ZMYND11: variants seen among roughly 807,000 people sequenced by gnomAD.
ZMYND11 encodes zinc finger MYND domain-containing protein 11.
ZMYND11 carries 9 observed loss-of-function variants against 84.9 expected under a neutral mutation model. The ratio of observed to expected loss-of-function variants is 0.11; its 90% CI spans 0.06 to 0.18. ZMYND11 has a LOEUF of 0.18. Among genes scored for constraint, ZMYND11 ranks in the 10% least tolerant of loss-of-function variants. The pLI is 1.00. For synonymous variants in ZMYND11, 250 were observed against 244.1 expected (o/e 1.02, Z -0.23); for missense variants, 409 against 761.0 (o/e 0.54, Z 5.44).
At chr10:243,594 G>A (rs535594239) in intron 10 of ZMYND11, among the ~76,000 whole-genome samples, 18 of 152,274 alleles carry the variant, frequency 1.2e-4, no homozygotes, top group East Asian at 1.9e-4. Context: ...GGCCAGGCAC[G>A]GTGGCTCACG....
At chr10:164,647 C>T (rs527376772) in intron 1 of ZMYND11, among the ~76,000 whole-genome samples, 9 of 152,286 alleles carry the variant, frequency 5.9e-5, no homozygotes, top group African/African-American at 1.7e-4. Flanking sequence ...CAAATCCACA[C>T]GTGGCCTCAC....
intron 1 of ZMYND11, among the ~76,000 whole-genome samples, chr10:161,607 A>G (rs1351937769): frequency 2.6e-5 from 4 of 152,168 alleles, no homozygotes; most frequent in African/African-American, 9.7e-5. Flanking sequence ...AGCCACCTTA[A>G]TCAGTTATCT....
intron 2 of ZMYND11, among the ~76,000 whole-genome samples, chr10:197,730 G>C (rs1168061257): frequency 6.6e-6 from 1 of 152,214 alleles, no homozygotes; most frequent in African/African-American, 2.4e-5. Flanking sequence ...GCTCGTGTCA[G>C]GTGGCAGAGT....
intron 4 of ZMYND11, among the ~76,000 whole-genome samples, chr10:234,827 C>T (rs1191199537): frequency 6.6e-6 from 1 of 152,266 alleles, no homozygotes; most frequent in Non-Finnish European, 1.5e-5. Context: ...AGCAGTGCAC[C>T]GAAGCATGTC....
chr10:208,863 G>A (rs1011178287), intron 2 of ZMYND11, among the ~76,000 whole-genome samples: 1 of 152,144 alleles, frequency 6.6e-6, no homozygotes, highest in African/African-American at 2.4e-5. Context: ...TTACTCCCCT[G>A]ACTTCTAGCG....
chr10:212,994 A>G (rs1742830520), intron 3 of ZMYND11, among the ~76,000 whole-genome samples: 1 of 152,160 alleles, frequency 6.6e-6, no homozygotes, highest in Non-Finnish European at 1.5e-5. Context: ...TCCATGTGCC[A>G]CAATTTTCAT....
Position 248,391 on chromosome 10 carries a change from C to G in ZMYND11, c.1283C>G (p.Pro428Arg). The change falls in exon 13 of 15, where the codon CCT becomes CGT. Residue 428 changes from proline (P) to arginine (R), a missense_variant. Transcript: ENST00000381604. ...TCTAGCCAGGAAATACCCACGATGC[C>G]TCAGCCCATCGAAAAAGTCTCCGTG... ...VSSSQEIPTM[P>R]QPIEKVSVST... 1.9e-6 allele frequency: 3 copies of G among 1,614,140 alleles called. No homozygotes were observed. Among genetic ancestry groups the G allele is most frequent in the African/African-American group, 1.3e-5 (1 of 75,040 alleles).
rs11251124 is a variant in ZMYND11, at chr10:238,654, C to A, written c.610-784C>A. Among the ~76,000 whole-genome samples the A allele has an allele frequency of 2.0e-3, 297 of 152,276 alleles. 3 individuals carry two copies. The highest frequency in any genetic ancestry group is 7.0e-3 in the African/African-American group (291 of 41,546). On this transcript the variant is annotated intron_variant, in intron 6 of 14. Coordinates refer to ENST00000381604, the MANE Select transcript of ZMYND11 (RefSeq NM_001370100.5). ...TACAGGCGTGAGCCACCGCGCCCGG[C>A]CACAAGTTTCTTTAGTACCCAAGAA...
intron 3 of ZMYND11, among the ~76,000 whole-genome samples, chr10:216,475 T>G (rs1002765020): frequency 6.6e-6 from 1 of 152,170 alleles, no homozygotes; most frequent in Non-Finnish European, 1.5e-5. Context: ...AAATATACCT[T>G]TTGTTAATTT....
chr10:169,370 T>G (rs534719748), intron 1 of ZMYND11, among the ~76,000 whole-genome samples: 2 of 152,192 alleles, frequency 1.3e-5, no homozygotes, highest in East Asian at 1.9e-4. Context: ...TTTTACCCAG[T>G]ACATAACGTT....
intron 1 of ZMYND11, among the ~76,000 whole-genome samples, chr10:165,079 C>A (rs1379685290): frequency 2.6e-5 from 4 of 152,050 alleles, no homozygotes; most frequent in Non-Finnish European, 5.9e-5. Context: ...GTCAGTCAGT[C>A]TTCTGGAAAG....
chr10:196,173 CT>C (rs1438386518), intron 2 of ZMYND11, among the ~76,000 whole-genome samples: 2 of 152,206 alleles, frequency 1.3e-5, no homozygotes, highest in East Asian at 1.9e-4. Flanking sequence ...CTACTGAAGA[CT>C]TTTCTGTGCC....
chr10:132,946 T>G (rs940364042), upstream of ZMYND11, among the ~76,000 whole-genome samples: 10 of 152,212 alleles, frequency 6.6e-5, no homozygotes, highest in African/African-American at 2.4e-4. Flanking sequence ...TTCAATTGTA[T>G]AAACAGTATA....
At chr10:231,368 T>C (rs1182566327) in intron 4 of ZMYND11, among the ~76,000 whole-genome samples, 3 of 152,204 alleles carry the variant, frequency 2.0e-5, no homozygotes, top group African/African-American at 7.2e-5. Context: ...TAGATAAATA[T>C]GTCTGAAAAA....
chr10:213,285 A>G (rs557373514), intron 3 of ZMYND11, among the ~76,000 whole-genome samples: 1 of 152,288 alleles, frequency 6.6e-6, no homozygotes, highest in South Asian at 2.1e-4. Flanking sequence ...CACCTTTTCT[A>G]GTTTGCACAT....
intron 4 of ZMYND11, among the ~76,000 whole-genome samples, chr10:232,692 A>ATT (rs1949202074): frequency 6.6e-6 from 1 of 152,210 alleles, no homozygotes; most frequent in South Asian, 2.1e-4. Flanking sequence ...AGATAAAAGG[A>ATT]ACATGGAAGC....
intron 4 of ZMYND11, among the ~76,000 whole-genome samples, chr10:228,565 G>A (rs1948498457): frequency 6.6e-6 from 1 of 152,200 alleles, no homozygotes; most frequent in African/African-American, 2.4e-5. Flanking sequence ...AAGGTAGGTA[G>A]TACTTACATT....
At chr10:236,203 C>T (rs1051506573) in intron 4 of ZMYND11, among the ~76,000 whole-genome samples, 3 of 152,194 alleles carry the variant, frequency 2.0e-5, no homozygotes, top group Non-Finnish European at 2.9e-5. Flanking sequence ...CACACTTGTC[C>T]TTGTTTCCTA....
intron 1 of ZMYND11, chr10:154,824 A>G (rs1841314862): frequency 6.6e-6 from 1 of 152,244 alleles, no homozygotes; most frequent in Admixed American, 6.5e-5. Flanking sequence ...ATGGCTACAA[A>G]TGAAATATAA....
Sources: gnomAD v4.1 joint callset for allele counts (sites outside exome capture counted in the v4.1 genomes callset) on GRCh38, gnomAD v4.1.1 for gene constraint, MANE v1.5 for transcripts, NCBI Gene and HGNC (gene_info 2026-07-23, HGNC 2026-07-21) for gene names.